Variants in ARL15 observed in about 807,000 individuals in gnomAD.
ARL15 encodes the protein ADP-ribosylation factor-like protein 15.
In ARL15, 19 loss-of-function variants were observed where a neutral mutation model predicts 25.2. That is an observed-to-expected ratio of 0.75 (90% CI 0.53 to 1.10). ARL15 has a LOEUF of 1.10. Ranked by LOEUF, ARL15 falls within the 50% of genes least tolerant of loss-of-function variation. The probability of loss-of-function intolerance (pLI) is 0.00; values close to 1 mark genes in which losing one functional copy is unlikely to be tolerated. For synonymous variants in ARL15, 94 were observed against 86.8 expected, an observed-to-expected ratio of 1.08 and a Z score of -0.46; for missense variants, 220 against 246.0, an observed-to-expected ratio of 0.89 and a Z score of 0.71.
intron 4 of ARL15, among the ~76,000 whole-genome samples, chr5:54,083,593 C>G (rs183310429): frequency 1.6e-3 from 245 of 152,162 alleles, no homozygotes; most frequent in Non-Finnish European, 2.5e-3. Context: ...GAGAAAATGT[C>G]ATTTTCTCCT....
intron 1 of ARL15, among the ~76,000 whole-genome samples, chr5:54,307,696 C>G (rs998391251): frequency 8.5e-5 from 13 of 152,176 alleles, no homozygotes; most frequent in Admixed American, 6.5e-5. Context: ...CTCCCTTCTT[C>G]CTTTCCACTC....
At chr5:54,227,169 C>A (rs1301527198) in intron 1 of ARL15, among the ~76,000 whole-genome samples, 1 of 152,196 alleles carries the variant, frequency 6.6e-6, no homozygotes, top group Non-Finnish European at 1.5e-5. Flanking sequence ...GGCAAAGTAA[C>A]TGGTAACAAC....
chr5:53,968,737 T>C (rs1031250653), intron 4 of ARL15, among the ~76,000 whole-genome samples: 6 of 151,632 alleles, frequency 4.0e-5, no homozygotes, highest in Non-Finnish European at 5.9e-5. Flanking sequence ...TCTCGAACTA[T>C]TGACCTTGTG....
chr5:54,209,564 G>C (rs1341251838), intron 1 of ARL15, among the ~76,000 whole-genome samples: 1 of 152,054 alleles, frequency 6.6e-6, no homozygotes, highest in Non-Finnish European at 1.5e-5. Context: ...ATATGGACTA[G>C]AATTGAATAT....
chr5:53,960,315 T>A (rs995625956), intron 4 of ARL15, among the ~76,000 whole-genome samples: 1 of 152,146 alleles, frequency 6.6e-6, no homozygotes, highest in Non-Finnish European at 1.5e-5. Context: ...CTAAAACACA[T>A]AATGAAATAA....
At chr5:54,071,234 A>G (rs1751408433) in intron 4 of ARL15, among the ~76,000 whole-genome samples, 1 of 152,168 alleles carries the variant, frequency 6.6e-6, no homozygotes, top group South Asian at 2.1e-4. Context: ...ATTCAATTAT[A>G]GCAACAGCAA....
At chr5:54,230,525 G>T (rs543767027) in intron 1 of ARL15, among the ~76,000 whole-genome samples, 1 of 151,972 alleles carries the variant, frequency 6.6e-6, no homozygotes, top group South Asian at 2.1e-4. Flanking sequence ...ATGGGACTAC[G>T]TCAAAAATAT....
At chr5:54,233,030 G>A (rs1756714990) in intron 1 of ARL15, among the ~76,000 whole-genome samples, 1 of 152,192 alleles carries the variant, frequency 6.6e-6, no homozygotes, top group Non-Finnish European at 1.5e-5. Context: ...TGGAGAGAGT[G>A]AGTGAGTGAA....
chr5:54,164,253 C>T (rs1251826430), intron 2 of ARL15, among the ~76,000 whole-genome samples: 1 of 151,918 alleles, frequency 6.6e-6, no homozygotes, highest in Non-Finnish European at 1.5e-5. Context: ...CTTGAAGCCA[C>T]TTAAACTTAT....
At chr5:53,950,278 A>T (rs1580110427) in intron 4 of ARL15, among the ~76,000 whole-genome samples, 1 of 152,210 alleles carries the variant, frequency 6.6e-6, no homozygotes, top group Non-Finnish European at 1.5e-5. Context: ...AAATTAAAAA[A>T]AAAAAAACGA....
chr5:54,018,833 G>A (rs1364198676), intron 4 of ARL15, among the ~76,000 whole-genome samples: 1 of 152,148 alleles, frequency 6.6e-6, no homozygotes, highest in Non-Finnish European at 1.5e-5. Context: ...TAACAAACAT[G>A]TAAGAAAGTT....
At chr5:53,972,784 T>C (rs1293887262) in intron 4 of ARL15, among the ~76,000 whole-genome samples, 5 of 152,082 alleles carry the variant, frequency 3.3e-5, no homozygotes, top group East Asian at 1.9e-4. Flanking sequence ...AGAATTAGTC[T>C]CACCCTCCAA....
intron 4 of ARL15, among the ~76,000 whole-genome samples, chr5:54,008,691 A>C (rs1338631977): frequency 6.6e-6 from 1 of 152,206 alleles, no homozygotes; most frequent in Non-Finnish European, 1.5e-5. Context: ...TGTCATGTGA[A>C]CAAGAGAAAC....
chr5:53,934,935 A>T (rs548027378), intron 4 of ARL15, among the ~76,000 whole-genome samples: 60 of 152,328 alleles, frequency 3.9e-4, no homozygotes, highest in South Asian at 3.9e-3. Flanking sequence ...ATCTGATTTT[A>T]AAAAATTAGG....
intron 4 of ARL15, among the ~76,000 whole-genome samples, chr5:54,022,555 G>T (rs1371961113): frequency 6.6e-6 from 1 of 152,120 alleles, no homozygotes; most frequent in Non-Finnish European, 1.5e-5. Flanking sequence ...ATTGCTAGCT[G>T]AGAGACTTTA....
chr5:53,915,162 T>C (rs1408151997), intron 4 of ARL15, among the ~76,000 whole-genome samples: 1 of 152,230 alleles, frequency 6.6e-6, no homozygotes, highest in Non-Finnish European at 1.5e-5. Context: ...CCTTGCCTTC[T>C]GAGCAGAGAT....
chr5:53,982,157 G>A (rs957020840), intron 4 of ARL15, among the ~76,000 whole-genome samples: 1 of 150,516 alleles, frequency 6.6e-6, no homozygotes, highest in Non-Finnish European at 1.5e-5. Flanking sequence ...TGATAACCCC[G>A]GGCTTTTAAA....
intron 3 of ARL15, among the ~76,000 whole-genome samples, chr5:54,124,651 T>C (rs1753187517): frequency 6.6e-6 from 1 of 152,180 alleles, no homozygotes; most frequent in Non-Finnish European, 1.5e-5. Flanking sequence ...TTGTTAATAA[T>C]AGATATATAA....
intron 4 of ARL15, among the ~76,000 whole-genome samples, chr5:54,016,417 G>A (rs1749430937): frequency 6.6e-6 from 1 of 152,112 alleles, no homozygotes; most frequent in Non-Finnish European, 1.5e-5. Flanking sequence ...TGTGTCACCT[G>A]TGCAGTCACA....
Sources: allele counts gnomAD v4.1 joint callset (sites outside exome capture counted in the v4.1 genomes callset), GRCh38; gene constraint gnomAD v4.1.1; transcripts MANE v1.5; gene names NCBI Gene and HGNC (gene_info 2026-07-23, HGNC 2026-07-21).